Variants in PUM2 observed in about 807,000 individuals in gnomAD.
PUM2 encodes pumilio homolog 2.
In PUM2, 57 loss-of-function variants were observed where a neutral mutation model predicts 124.5. The observed-to-expected ratio is 0.46, with a 90% CI of 0.37 to 0.57. The LOEUF (loss-of-function observed/expected upper bound fraction) is 0.57. PUM2 is among the 20% of genes least tolerant of loss of function. The pLI, the probability that PUM2 is intolerant of heterozygous loss-of-function variation, is 0.00. For synonymous variants in PUM2, 460 were observed against 446.1 expected, an observed-to-expected ratio of 1.03 and a Z score of -0.39; for missense variants, 1,065 against 1,290.6, an observed-to-expected ratio of 0.83 and a Z score of 2.68.
intron 1 of PUM2, among the ~76,000 whole-genome samples, chr2:20,333,871 T>C (rs1240111883): frequency 1.3e-5 from 2 of 152,118 alleles, no homozygotes; most frequent in African/African-American, 4.8e-5. Flanking sequence ...ATTATTGCCA[T>C]CCCCTCAGTG....
At chr2:20,287,209 G>A (rs912012235) in intron 10 of PUM2, among the ~76,000 whole-genome samples, 6 of 152,026 alleles carry the variant, frequency 3.9e-5, no homozygotes, top group East Asian at 1.9e-4. Flanking sequence ...TCCCATCTAC[G>A]ACCACATTAA....
rs1689228687 is a variant in PUM2 at position 20,350,788 on chromosome 2, A to AG, written c.-211dup. On this transcript the variant is annotated 5_prime_UTR_variant, in exon 1 of 21. Transcript: ENST00000361078. ...CCTCCTCCGAACCACCGAAGTACCG[A>AG]GGGTGAGACACAGAGACTCACAACA... The AG allele has an allele frequency of 1.0e-6, 1 of 967,034 alleles. No homozygotes were observed. The highest frequency in any genetic ancestry group is 7.4e-5 in the Admixed American group (1 of 13,548). 59.9% of individuals were successfully genotyped at this position (967,034 alleles called of 1,614,324 possible).
At chr2:20,338,225 T>C (rs1023906097) in intron 1 of PUM2, among the ~76,000 whole-genome samples, 2 of 152,004 alleles carry the variant, frequency 1.3e-5, no homozygotes, top group Admixed American at 6.6e-5. Context: ...GGTAAAACCC[T>C]GTCTCTACTA....
intron 13 of PUM2, among the ~76,000 whole-genome samples, chr2:20,275,334 T>A (rs1034747635): frequency 2.0e-5 from 3 of 151,770 alleles, no homozygotes; most frequent in Non-Finnish European, 4.4e-5. Flanking sequence ...AAAACACGAG[T>A]CACCTTTAAA....
At chr2:20,347,895 G>C (rs1448541369) in intron 1 of PUM2, among the ~76,000 whole-genome samples, 1 of 152,152 alleles carries the variant, frequency 6.6e-6, no homozygotes, top group African/African-American at 2.4e-5. Context: ...CTTTCTGCAG[G>C]GAGAAGACTC....
At position 20,263,321 on chromosome 2, in the gene PUM2, C is replaced by T. The variant is rs1666743044; in HGVS notation, c.2097G>A (p.Arg699=). ...LFPPSRLRYN[R]SDIMPSGRSR... ...TGCGGCCAGAAGGCATAATATCAGA[C>T]CTATTATACCGAAGCCGGGAAGGAG... Residue 699 remains arginine (R), a synonymous_variant, in exon 14 of 21, where the codon AGG becomes AGA. Coordinates refer to ENST00000361078, the MANE Select transcript of PUM2 (RefSeq NM_015317.5). 6.2e-7 allele frequency: 1 copy of T among 1,614,104 alleles called. No homozygotes were observed. The highest frequency in any genetic ancestry group is 2.2e-5 in the East Asian group (1 of 44,884).
rs770175846 is a variant in PUM2, at chr2:20,278,689, G to A, written c.1851C>T (p.Ser617=). 8 of 1,613,476 alleles carry A rather than the reference G, an allele frequency of 5.0e-6. No individual in the cohort carries two copies. The Admixed American group carries it at 1.2e-4, about 24-fold the overall frequency. Residue 617 remains serine, a synonymous_variant, in exon 13 of 21, where the codon TCC becomes TCT. Coordinates refer to ENST00000361078, the MANE Select transcript of PUM2 (RefSeq NM_015317.5). ...QPFYNSLGFS[S]SPSPIGMPLP... ...GAGGCATGCCTATTGGACTTGGAGA[G>A]GAGGAAAATCCCAGACTATTGTAAA...
chr2:20,255,909 T>C (rs1410417546), intron 17 of PUM2, 124 bp downstream of exon 17: 2 of 1,006,082 alleles, frequency 2.0e-6, no homozygotes, highest in Non-Finnish European at 2.8e-6. Flanking sequence ...ACATTTACTG[T>C]TTTGTATCCT....
At chr2:20,279,728 T>C (rs1019913647) in intron 12 of PUM2, among the ~76,000 whole-genome samples, 1 of 152,202 alleles carries the variant, frequency 6.6e-6, no homozygotes, top group African/African-American at 2.4e-5. Context: ...TGGTGAGCTA[T>C]ACATGCTCAG....
At chr2:20,342,749 A>G (rs1300420003) in intron 1 of PUM2, among the ~76,000 whole-genome samples, 2 of 152,246 alleles carry the variant, frequency 1.3e-5, no homozygotes, top group Non-Finnish European at 2.9e-5. Context: ...TTAGGTGATT[A>G]GCATGAATTG....
rs571749474 is a variant in PUM2, at chr2:20,340,359, A to G, written c.-19+10238T>C. On this transcript the variant is annotated intron_variant, in intron 1 of 20. Coordinates refer to ENST00000361078, the MANE Select transcript of PUM2 (RefSeq NM_015317.5). ...TAACTACCTGGGTAAAATACACAAC[A>G]GTAAGATGTGGGATGGATCAGAGTT... Among the ~76,000 whole-genome samples, 8 of 152,376 alleles carry G rather than the reference A, an allele frequency of 5.3e-5. No individual in the cohort carries two copies. In the South Asian group the frequency reaches 1.7e-3, roughly 32 times the overall value.
At chr2:20,280,778 TAGAC>T (rs1158442279) in intron 12 of PUM2, among the ~76,000 whole-genome samples, 1 of 152,150 alleles carries the variant, frequency 6.6e-6, no homozygotes, top group Non-Finnish European at 1.5e-5. Context: ...TCTAAGAGGG[TAGAC>T]AGACTGCTAA....
rs1244161405 is a variant in PUM2 at position 20,249,736 on chromosome 2, T to C, written c.*1849A>G. 6.6e-6 allele frequency: 1 copy of C among 152,658 alleles called. No homozygotes were observed. Among genetic ancestry groups the C allele is most frequent in the Admixed American group, 6.5e-5 (1 of 15,278 alleles). 9.5% of individuals were successfully genotyped at this position (152,658 alleles called of 1,614,324 possible). A position where few individuals can be genotyped will look rare whatever the true frequency, so the allele number is the denominator to read the frequency against. On this transcript the variant is annotated 3_prime_UTR_variant, in exon 21 of 21. Coordinates refer to ENST00000361078, the MANE Select transcript of PUM2 (RefSeq NM_015317.5). The stretch of plus-strand genomic sequence containing the variant: ...GCATGTTCATTTTAGTTTTCAGCAC[T>C]GAACATAAGTGGGTCAACATAAATG...
At chr2:20,259,366 C>G (rs1665622875) in intron 15 of PUM2, among the ~76,000 whole-genome samples, 1 of 152,250 alleles carries the variant, frequency 6.6e-6, no homozygotes, top group Non-Finnish European at 1.5e-5. Flanking sequence ...ACCACCATCA[C>G]TATCACTATT....
chr2:20,324,995 T>G, intron 2 of PUM2, among the ~76,000 whole-genome samples: 1 of 151,532 alleles, frequency 6.6e-6, no homozygotes, highest in African/African-American at 2.4e-5. Context: ...AAGGCTGCTT[T>G]TAATTTATTC....
chr2:20,313,231 C>G (rs115631394), intron 3 of PUM2, among the ~76,000 whole-genome samples: 2,321 of 152,312 alleles, frequency 0.015, 32 homozygotes, highest in Middle Eastern at 0.034. Flanking sequence ...AATTAAAGAG[C>G]TTCCACACAG....
chr2:20,282,353 C>T (rs773141536), intron 12 of PUM2, among the ~76,000 whole-genome samples: 2 of 152,262 alleles, frequency 1.3e-5, no homozygotes, highest in African/African-American at 2.4e-5. Context: ...AATAGATACC[C>T]TTTTAAGTGA....
At chr2:20,267,246 A>C (rs919619322) in intron 13 of PUM2, among the ~76,000 whole-genome samples, 2 of 151,934 alleles carry the variant, frequency 1.3e-5, no homozygotes, top group Non-Finnish European at 2.9e-5. Context: ...GGCTGGTCTC[A>C]AACTCCTGAC....
intron 3 of PUM2, among the ~76,000 whole-genome samples, chr2:20,315,324 A>T (rs978338815): frequency 6.6e-6 from 1 of 152,152 alleles, no homozygotes; most frequent in Admixed American, 6.5e-5. Flanking sequence ...AATCACAAGT[A>T]ATGTGGTTCT....
Sources: gnomAD v4.1 joint callset for allele counts (sites outside exome capture counted in the v4.1 genomes callset) on GRCh38, gnomAD v4.1.1 for gene constraint, MANE v1.5 for transcripts, NCBI Gene and HGNC (gene_info 2026-07-23, HGNC 2026-07-21) for gene names.